FILIP1L: variants seen among roughly 807,000 people sequenced by gnomAD.
FILIP1L encodes filamin A-interacting protein 1-like.
In FILIP1L, 55 loss-of-function variants were observed where a neutral mutation model predicts 96.6. The ratio of observed to expected loss-of-function variants is 0.57; its 90% CI spans 0.46 to 0.71. The LOEUF (loss-of-function observed/expected upper bound fraction) is 0.71. FILIP1L is among the 30% of genes least tolerant of loss of function. The pLI is 0.00. For synonymous variants in FILIP1L, 467 were observed against 473.9 expected, an observed-to-expected ratio of 0.99 and a Z score of 0.19; for missense variants, 1,304 against 1,321.2, an observed-to-expected ratio of 0.99 and a Z score of 0.20.
chr3:99,832,262 G>T (rs1331326350), intron 5 of FILIP1L, among the ~76,000 whole-genome samples: 1 of 141,292 alleles, frequency 7.1e-6, no homozygotes, highest in Admixed American at 7.2e-5. Flanking sequence ...ACGGAGTCTC[G>T]CTGTATCACC....
chr3:100,109,227 A>T (rs550534677), intron 1 of FILIP1L, among the ~76,000 whole-genome samples: 62 of 152,224 alleles, frequency 4.1e-4, no homozygotes, highest in Non-Finnish European at 6.3e-4. Flanking sequence ...CCTAAAAAAA[A>T]ATTTTTCAAT....
At chr3:99,856,121 GCT>G (rs1943953076) in intron 4 of FILIP1L, among the ~76,000 whole-genome samples, 2 of 151,840 alleles carry the variant, frequency 1.3e-5, no homozygotes, top group African/African-American at 4.8e-5. Context: ...GCTCTGCTCT[GCT>G]CTGCTCTGCT....
chr3:99,982,620 A>G (rs1011201433), intron 1 of FILIP1L, among the ~76,000 whole-genome samples: 10 of 152,194 alleles, frequency 6.6e-5, no homozygotes, highest in Non-Finnish European at 1.3e-4. Flanking sequence ...CTGGGATTAC[A>G]GGCATGAGCC....
At chr3:99,987,090 C>A (rs552842882) in intron 1 of FILIP1L, among the ~76,000 whole-genome samples, 1 of 151,912 alleles carries the variant, frequency 6.6e-6, no homozygotes, top group African/African-American at 2.4e-5. Context: ...ATTAGCCAAC[C>A]GTGGTGGCAT....
chr3:99,854,486 C>T (rs1943857203), intron 4 of FILIP1L, among the ~76,000 whole-genome samples: 2 of 152,090 alleles, frequency 1.3e-5, no homozygotes, highest in Admixed American at 1.3e-4. Flanking sequence ...ATTATGACTC[C>T]TTTTTCCATT....
chr3:99,987,716 G>A (rs1478306203), intron 1 of FILIP1L, among the ~76,000 whole-genome samples: 2 of 152,106 alleles, frequency 1.3e-5, no homozygotes, highest in East Asian at 3.8e-4. Context: ...CAAGACCTCA[G>A]TTATTTTCTT....
chr3:99,874,053 T>C (rs989665716), intron 4 of FILIP1L, among the ~76,000 whole-genome samples: 1 of 152,222 alleles, frequency 6.6e-6, no homozygotes, highest in African/African-American at 2.4e-5. Flanking sequence ...ATACTTAGCT[T>C]TCAGTTTTAA....
chr3:99,830,634 A>G (rs183661746), intron 5 of FILIP1L, 29 bp from the exon 6 acceptor site: 67 of 456,112 alleles, frequency 1.5e-4, no homozygotes, highest in African/African-American at 1.1e-3. Flanking sequence ...ACAAAAGGTA[A>G]TTAATGGTAC....
chr3:99,867,598 C>G (rs934430819), intron 4 of FILIP1L, among the ~76,000 whole-genome samples: 1 of 152,126 alleles, frequency 6.6e-6, no homozygotes, highest in African/African-American at 2.4e-5. Flanking sequence ...GACCTTACCT[C>G]ATCTGCTTGT....
intron 5 of FILIP1L, 69 bp downstream of exon 5, chr3:99,848,226 G>A: frequency 6.3e-7 from 1 of 1,582,446 alleles, no homozygotes; most frequent in Non-Finnish European, 8.6e-7. Flanking sequence ...AAAAAGGATT[G>A]AGTTCCTTGC....
At chr3:99,846,303 C>T (rs1397400685) in intron 5 of FILIP1L, among the ~76,000 whole-genome samples, 1 of 152,196 alleles carries the variant, frequency 6.6e-6, no homozygotes, top group Non-Finnish European at 1.5e-5. Flanking sequence ...GTTGGGAAGA[C>T]TTTGTTCTTA....
intron 1 of FILIP1L, among the ~76,000 whole-genome samples, chr3:99,939,563 A>G (rs1280293567): frequency 6.6e-6 from 1 of 152,208 alleles, no homozygotes; most frequent in Non-Finnish European, 1.5e-5. Context: ...TTTCCCAGAT[A>G]TTAAACACAA....
intron 5 of FILIP1L, among the ~76,000 whole-genome samples, chr3:99,843,123 C>T (rs1943207491): frequency 3.3e-5 from 5 of 152,226 alleles, no homozygotes; most frequent in Admixed American, 3.3e-4. Context: ...CTTGTATTTG[C>T]TTCACTGTGC....
intron 1 of FILIP1L, among the ~76,000 whole-genome samples, chr3:100,053,387 A>G (rs2065406449): frequency 6.6e-6 from 1 of 152,182 alleles, no homozygotes; most frequent in African/African-American, 2.4e-5. Flanking sequence ...GTGCTTGCCA[A>G]CAGTCCTTGG....
chr3:99,953,534 A>G (rs2107691728), intron 1 of FILIP1L, among the ~76,000 whole-genome samples: 1 of 152,222 alleles, frequency 6.6e-6, no homozygotes, highest in East Asian at 1.9e-4. Context: ...GCCACGTTGG[A>G]CCATTTTACC....
chr3:100,054,092 A>C (rs1277082577), intron 1 of FILIP1L, among the ~76,000 whole-genome samples: 2 of 152,226 alleles, frequency 1.3e-5, no homozygotes, highest in Non-Finnish European at 2.9e-5. Context: ...CTAGTATTGT[A>C]AAAGCTGGCC....
chr3:99,903,897 A>G lies in FILIP1L; in HGVS notation c.605+20333T>C, dbSNP rs147991960. On this transcript the variant is annotated intron_variant, in intron 4 of 5. Transcript: ENST00000477258. ...CCTGCTGCTTCATTTAATGGTACTCATTTGTCCTAAATAAAAAACTCTTCA... is the reference window on the plus strand; with the variant it reads ...CCTGCTGCTTCATTTAATGGTACTCGTTTGTCCTAAATAAAAAACTCTTCA... Among the ~76,000 whole-genome samples the G allele has an allele frequency of 3.8e-3, 577 of 152,284 alleles. 3 individuals are homozygous for G. The highest frequency in any genetic ancestry group is 0.013 in the African/African-American group (550 of 41,562).
chr3:100,012,761 C>CTTTTT (rs35737304), intron 1 of FILIP1L, among the ~76,000 whole-genome samples: 1 of 93,612 alleles, frequency 1.1e-5, no homozygotes, highest in Non-Finnish European at 2.3e-5. Context: ...GAAGCATATT[C>CTTTTT]TTTTTTTTTT....
intron 4 of FILIP1L, among the ~76,000 whole-genome samples, chr3:99,872,711 T>C (rs770366278): frequency 2.0e-5 from 3 of 152,202 alleles, no homozygotes; most frequent in Non-Finnish European, 2.9e-5. Context: ...TAATGTGTTC[T>C]CGTTCTTGGG....
Sources: allele counts gnomAD v4.1 joint callset (sites outside exome capture counted in the v4.1 genomes callset), GRCh38; gene constraint gnomAD v4.1.1; transcripts MANE v1.5; gene names NCBI Gene and HGNC (gene_info 2026-07-23, HGNC 2026-07-21).